The following FCRL4 variants were observed in gnomAD, a reference collection of about 807,000 sequenced individuals.
FCRL4 encodes the protein Fc receptor-like protein 4.
In FCRL4, 43 loss-of-function variants were observed where a neutral mutation model predicts 64.1. That is an observed-to-expected ratio of 0.67 (90% confidence interval 0.53 to 0.87). The LOEUF (loss-of-function observed/expected upper bound fraction) is 0.87. FCRL4 is among the 40% of genes least tolerant of loss of function. The pLI is 0.00. For missense variants in FCRL4, 656 were observed against 613.5 expected (o/e 1.07, Z -0.73); for synonymous variants, 253 against 239.8 (o/e 1.05, Z -0.51).
chr1:157,587,275 C>T lies in FCRL4; in HGVS notation c.847+1G>A, dbSNP rs147815493. 5.1e-5 allele frequency: 82 copies of T among 1,612,144 alleles called. No individual in the cohort carries two copies. In the African/African-American group the frequency reaches 6.1e-4, roughly 12 times the overall value. On this transcript the variant is annotated splice_donor_variant, in intron 5 of 11. Transcript: ENST00000271532. LOFTEE classifies it high-confidence loss of function. ...AAGATGCCTGGCTCTCCAACACTCACGCTGCACATGGATCTGTAGCGAGGG... is the reference window on the plus strand; with the variant it reads ...AAGATGCCTGGCTCTCCAACACTCATGCTGCACATGGATCTGTAGCGAGGG...
At chr1:157,586,778 C>A (rs569696905) in intron 5 of FCRL4, among the ~76,000 whole-genome samples, 3 of 152,292 alleles carry the variant, frequency 2.0e-5, no homozygotes, top group African/African-American at 7.2e-5. Flanking sequence ...TGGCACTAGG[C>A]TGGACCACAT....
chr1:157,581,218 T>C (rs1652552206), intron 7 of FCRL4, among the ~76,000 whole-genome samples: 1 of 152,248 alleles, frequency 6.6e-6, no homozygotes, highest in Non-Finnish European at 1.5e-5. Context: ...GGCCAGTCTA[T>C]ATGAACCAAA....
chr1:157,585,215 C>CTTCCTTTCTTTCCTCT (rs1206656511), intron 6 of FCRL4, among the ~76,000 whole-genome samples: 2 of 150,318 alleles, frequency 1.3e-5, no homozygotes, highest in African/African-American at 2.4e-5. Flanking sequence ...AAGCTAGATT[C>CTTCCTTTCTTTCCTCT]TTCCTTTCTT....
intron 2 of FCRL4, among the ~76,000 whole-genome samples, chr1:157,592,177 T>G (rs1652853647): frequency 6.6e-6 from 1 of 152,154 alleles, no homozygotes; most frequent in African/African-American, 2.4e-5. Flanking sequence ...ATTCAGGACA[T>G]AGGCATGGGC....
chr1:157,588,853 G>T (rs1372889480), intron 3 of FCRL4, among the ~76,000 whole-genome samples: 1 of 152,182 alleles, frequency 6.6e-6, no homozygotes, highest in Non-Finnish European at 1.5e-5. Flanking sequence ...GAGCTCCTTC[G>T]ATGGCACTTT....
chr1:157,574,783 A>C lies in FCRL4; in HGVS notation c.*741T>G, dbSNP rs1385890315. 9.5e-6 allele frequency: 2 copies of C among 209,828 alleles called. No homozygotes were observed. The highest frequency in any genetic ancestry group is 5.9e-5 in the Admixed American group (1 of 16,962). The allele number at this position is 209,828 out of a possible 1,614,324, so 13.0% of individuals were successfully genotyped here. A position where few individuals can be genotyped will look rare whatever the true frequency, so the allele number is the denominator to read the frequency against. Reference sequence around the variant, plus strand: ...ATACTAATATTTTAAGTTCAAATTTAGTTTTGGAGAGTTGGTACTTAAGTT... The same window carrying C: ...ATACTAATATTTTAAGTTCAAATTTCGTTTTGGAGAGTTGGTACTTAAGTT... On this transcript the variant is annotated 3_prime_UTR_variant, in exon 12 of 12. Coordinates refer to ENST00000271532, the MANE Select transcript of FCRL4 (RefSeq NM_031282.3).
In FCRL4 at chr1:157,587,260, G is replaced by A; in HGVS notation, c.847+16C>T. ...CAGAGAGAGGCAGGGAAGATGCCTG[G>A]CTCTCCAACACTCACGCTGCACATG... is the stretch of plus-strand genomic sequence containing the variant. On this transcript the variant is annotated intron_variant, in intron 5 of 11. Transcript: ENST00000271532. The A allele has an allele frequency of 3.1e-6, 5 of 1,608,602 alleles. No individual in the cohort carries two copies. The highest frequency in any genetic ancestry group is 4.3e-6 in the Non-Finnish European group (5 of 1,175,964).
intron 6 of FCRL4, among the ~76,000 whole-genome samples, chr1:157,583,454 AC>A (rs1652607555): frequency 6.6e-6 from 1 of 152,150 alleles, no homozygotes; most frequent in South Asian, 2.1e-4. Context: ...GTATTTGGAG[AC>A]AGGGCCTTTG....
At chr1:157,596,177 C>T (rs150890285) in intron 2 of FCRL4, 151 bp downstream of exon 2, 2 of 827,792 alleles carry the variant, frequency 2.4e-6, no homozygotes, top group East Asian at 2.7e-5. Context: ...TTCTTAGGGT[C>T]AGAGTCACCA....
In FCRL4 at chr1:157,575,294, T is replaced by A. The variant is rs1652375375; in HGVS notation, c.*230A>T. 1 of 557,614 alleles carries A rather than the reference T, an allele frequency of 1.8e-6. No individual in the cohort carries two copies. Among genetic ancestry groups the A allele is most frequent in the African/African-American group, 1.9e-5 (1 of 53,110 alleles). The allele number at this position is 557,614 out of a possible 1,614,324, so 34.5% of individuals were successfully genotyped here. ...GCCCACAGCAAATACTACAGGGTCT[T>A]CTCTTAACTGTGGATCCTGGTCATT... On this transcript the variant is annotated 3_prime_UTR_variant, in exon 12 of 12. Transcript: ENST00000271532.
chr1:157,589,563 A>G, intron 2 of FCRL4, 105 bp from the exon 3 acceptor site: 1 of 1,375,292 alleles, frequency 7.3e-7, no homozygotes, highest in South Asian at 1.4e-5. Context: ...GATCCCTAAG[A>G]TGCCCCCGGA....
intron 11 of FCRL4, 26 bp downstream of exon 11, chr1:157,575,673 T>C (rs1230405345): frequency 6.2e-7 from 1 of 1,613,182 alleles, no homozygotes. Context: ...ATGGTGGAGA[T>C]AAAACTGTGG....
chr1:157,597,841 G>T, intron 1 of FCRL4, 73 bp downstream of exon 1: 1 of 1,196,344 alleles, frequency 8.4e-7, no homozygotes, highest in Non-Finnish European at 1.2e-6. Flanking sequence ...GATTGCAGCA[G>T]CAGAAAAGAG....
At chr1:157,593,112 G>A (rs759204388) in intron 2 of FCRL4, among the ~76,000 whole-genome samples, 1 of 152,308 alleles carries the variant, frequency 6.6e-6, no homozygotes, top group East Asian at 1.9e-4. Flanking sequence ...GGGACAGATA[G>A]CATTAGGAGA....
chr1:157,581,501 AG>A (rs1652558307), intron 7 of FCRL4, 29 bp downstream of exon 7: 1 of 1,585,376 alleles, frequency 6.3e-7, no homozygotes, highest in African/African-American at 1.3e-5. Flanking sequence ...GGAACAGGGC[AG>A]GAACTGTGGC....
intron 10 of FCRL4, among the ~76,000 whole-genome samples, chr1:157,576,684 T>C (rs1489071845): frequency 6.6e-6 from 1 of 152,188 alleles, no homozygotes; most frequent in Non-Finnish European, 1.5e-5. Flanking sequence ...ATGTACTCAA[T>C]CAACCCAAGA....
chr1:157,585,390 CTTT>C (rs1558155142), intron 6 of FCRL4, among the ~76,000 whole-genome samples: 61 of 86,594 alleles, frequency 7.0e-4, no homozygotes, highest in South Asian at 7.4e-4. Flanking sequence ...TTCTTTCTTT[CTTT>C]CCTTCTTTCT....
chr1:157,595,678 G>A (rs181538398), intron 2 of FCRL4, among the ~76,000 whole-genome samples: 7 of 152,372 alleles, frequency 4.6e-5, no homozygotes, highest in Admixed American at 2.0e-4. Flanking sequence ...AAGGCACCGA[G>A]GAGGGGAAGA....
intron 2 of FCRL4, among the ~76,000 whole-genome samples, chr1:157,590,631 C>G (rs1350765952): frequency 6.6e-6 from 1 of 151,816 alleles, no homozygotes; most frequent in Non-Finnish European, 1.5e-5. Flanking sequence ...GATTCTCCTG[C>G]CTCAGCCTCC....
Sources: gnomAD v4.1 joint callset for allele counts (sites outside exome capture counted in the v4.1 genomes callset) on GRCh38, gnomAD v4.1.1 for gene constraint, MANE v1.5 for transcripts, NCBI Gene and HGNC (gene_info 2026-07-23, HGNC 2026-07-21) for gene names.